Variants in BCAR1 observed in about 807,000 individuals in gnomAD.
BCAR1 encodes the protein BCAR1 scaffold protein, Cas family member.
BCAR1 carries 30 observed loss-of-function variants against 67.6 expected under a neutral mutation model. The ratio of observed to expected loss-of-function variants is 0.44; its 90% confidence interval spans 0.33 to 0.60. The LOEUF (loss-of-function observed/expected upper bound fraction) is 0.60. Among genes scored for constraint, BCAR1 ranks in the 20% least tolerant of loss-of-function variants. The probability of loss-of-function intolerance (pLI) is 0.02; values close to 1 mark genes in which losing one functional copy is unlikely to be tolerated. For missense variants in BCAR1, 1,313 were observed against 1,222.3 expected (o/e 1.07, Z -1.11); for synonymous variants, 626 against 556.7 (o/e 1.12, Z -1.75).
chr16:75,229,478 C>T lies in BCAR1; in HGVS notation c.*33G>A. On this transcript the variant is annotated 3_prime_UTR_variant, in exon 7 of 7. Transcript: ENST00000162330. The stretch of plus-strand genomic sequence containing the variant: ...AGCCAGGGAGCTGGGACCGCCGCAC[C>T]CCTCCCCTGCCTCCCTCCTGGGGTC... 1 of 1,498,076 alleles carries T rather than the reference C, an allele frequency of 6.7e-7. No homozygotes were observed. The highest frequency in any genetic ancestry group is 8.9e-7 in the Non-Finnish European group (1 of 1,123,234). The allele number at this position is 1,498,076 out of a possible 1,614,324, so 92.8% of individuals were successfully genotyped here.
intron 6 of BCAR1, 145 bp downstream of exon 6, chr16:75,233,701 A>G: frequency 1.4e-6 from 1 of 707,894 alleles, no homozygotes; most frequent in East Asian, 2.7e-5. Flanking sequence ...GTCAGGAGGC[A>G]GGGGGGTGGC....
rs764823956 is a variant in BCAR1 at position 75,237,219 on chromosome 16, C to T, written c.759G>A (p.Pro253=). 2.4e-5 allele frequency: 37 copies of T among 1,567,114 alleles called. No individual in the cohort carries two copies. Among genetic ancestry groups the T allele is most frequent in the African/African-American group, 5.5e-5 (4 of 73,284 alleles). The stretch of plus-strand genomic sequence containing the variant: ...ACTGGCTGGGAAGCAGCCCCCGAAC[C>T]GGGGGCACATCATAGATGTCCTGTG... ...PGPQDIYDVP[P]VRGLLPSQYG... is the part of the protein sequence containing the mutation. Residue 253 remains proline, a synonymous_variant, in exon 3 of 7, where the codon CCG becomes CCA. Transcript: ENST00000162330.
chr16:75,238,994 C>T (rs1188737118), intron 2 of BCAR1: 2 of 985,304 alleles, frequency 2.0e-6, no homozygotes, highest in Admixed American at 6.1e-5. Context: ...CCCAACCTCA[C>T]GCGGTGAGGC....
intron 1 of BCAR1, chr16:75,266,808 CA>C: frequency 1.4e-6 from 2 of 1,412,108 alleles, no homozygotes; most frequent in Admixed American, 2.3e-5. Context: ...GGGTCCAGAG[CA>C]CTGTCCCGGA....
intron 4 of BCAR1, 105 bp from the exon 5 acceptor site, chr16:75,236,091 GACAC>G (rs942973795): frequency 5.2e-5 from 73 of 1,403,746 alleles, no homozygotes; most frequent in Non-Finnish European, 5.5e-5. Flanking sequence ...CACACATACA[GACAC>G]ACACACAGAG....
intron 6 of BCAR1, among the ~76,000 whole-genome samples, chr16:75,232,217 G>T (rs1437743587): frequency 6.6e-6 from 1 of 151,776 alleles, no homozygotes; most frequent in Admixed American, 6.6e-5. Context: ...CTGGAGTGCA[G>T]TGGCGCAATC....
chr16:75,231,750 C>G (rs1429370002), intron 6 of BCAR1, among the ~76,000 whole-genome samples: 1 of 152,228 alleles, frequency 6.6e-6, no homozygotes, highest in Non-Finnish European at 1.5e-5. Context: ...TGTCCAACAG[C>G]AGGGGACTGG....
At chr16:75,249,691 G>A (rs1181247282) in intron 1 of BCAR1, 1 of 152,320 alleles carries the variant, frequency 6.6e-6, no homozygotes, top group Non-Finnish European at 1.5e-5. Flanking sequence ...GAGTTGTCCA[G>A]GCTCAGAAGA....
rs1274651132 is a variant in BCAR1, at chr16:75,233,941, G to A, written c.2011-6C>T. On this transcript the variant is annotated splice_region_variant and splice_polypyrimidine_tract_variant and intron_variant, in intron 5 of 6. Transcript: ENST00000162330. ...TTCTCAAACTCCTCCTTCCCCTGGA[G>A]GGCAGAGACAGGGGCTGCGCTGAGG... 2 of 1,600,330 alleles carry A rather than the reference G, an allele frequency of 1.2e-6. No homozygotes were observed. The highest frequency in any genetic ancestry group is 1.7e-6 in the Non-Finnish European group (2 of 1,173,044).
chr16:75,234,669 G>T (rs574935384), intron 5 of BCAR1, among the ~76,000 whole-genome samples: 1 of 152,194 alleles, frequency 6.6e-6, no homozygotes, highest in Non-Finnish European at 1.5e-5. Flanking sequence ...CAGAGTCACC[G>T]CTGCTGGTCA....
chr16:75,237,041 T>C (rs1465419479), intron 3 of BCAR1, 43 bp from the exon 4 acceptor site: 1 of 1,543,654 alleles, frequency 6.5e-7, no homozygotes, highest in Non-Finnish European at 8.8e-7. Flanking sequence ...CAGGGCCACT[T>C]GGGGGAATAG....
intron 6 of BCAR1, 119 bp downstream of exon 6, chr16:75,233,727 C>T: frequency 9.5e-7 from 1 of 1,051,226 alleles, no homozygotes; most frequent in South Asian, 1.6e-5. Flanking sequence ...GGGCCCAGCT[C>T]TGAGCACTGT....
At chr16:75,231,982 A>C (rs112951202) in intron 6 of BCAR1, among the ~76,000 whole-genome samples, 1 of 152,040 alleles carries the variant, frequency 6.6e-6, no homozygotes, top group African/African-American at 2.4e-5. Context: ...CCTGGGTTCA[A>C]GCGATTCTCC....
In BCAR1 at chr16:75,258,178, G is replaced by A. The variant is rs913531045; in HGVS notation, c.66+9737C>T. ...TCCCTTGGCCTACCCCATGTGCTAA[G>A]CCCATCCCGCAACCAAGCCCTCCCT... On this transcript the variant is annotated intron_variant, in intron 1 of 6. Coordinates refer to the BCAR1 transcript ENST00000393422. Among the ~76,000 whole-genome samples the A allele has an allele frequency of 2.0e-5, 3 of 152,170 alleles. No individual in the cohort carries two copies. The East Asian group carries it at 5.8e-4, about 29-fold the overall frequency.
At chr16:75,239,762 C>G (rs1300227176) in intron 2 of BCAR1, among the ~76,000 whole-genome samples, 1 of 152,184 alleles carries the variant, frequency 6.6e-6, no homozygotes, top group African/African-American at 2.4e-5. Context: ...GGGGCCACCA[C>G]CATAGCCCGC....
At chr16:75,233,764 G>C in intron 6 of BCAR1, 82 bp downstream of exon 6, 1 of 1,404,088 alleles carries the variant, frequency 7.1e-7, no homozygotes, top group Non-Finnish European at 9.7e-7. Context: ...CTGGGGACCC[G>C]GGGTCGGCCC....
chr16:75,234,051 GCACA>G lies in BCAR1; in HGVS notation c.2011-120_2011-117del, dbSNP rs781107097. 28 of 849,522 alleles carry G rather than the reference GCACA, an allele frequency of 3.3e-5. No individual in the cohort carries two copies. In the African/African-American group the frequency reaches 3.7e-4, roughly 11 times the overall value. 52.6% of individuals were successfully genotyped at this position (849,522 alleles called of 1,614,324 possible). On this transcript the variant is annotated intron_variant, in intron 5 of 6. Transcript: ENST00000162330. ...CCACCAGGTGGTGCTGCGTGTGCGC[GCACA>G]CACACGCACACGTGGACGCACACAC...
At chr16:75,240,925 C>T (rs1043462028) in intron 2 of BCAR1, among the ~76,000 whole-genome samples, 2 of 152,240 alleles carry the variant, frequency 1.3e-5, no homozygotes, top group African/African-American at 2.4e-5. Flanking sequence ...GCCTCGAGGC[C>T]GGGCTCTGTC....
intron 1 of BCAR1, chr16:75,243,427 G>A (rs750193055): frequency 2.0e-5 from 12 of 598,258 alleles, no homozygotes; most frequent in Non-Finnish European, 2.2e-5. Flanking sequence ...CACAAGGAGA[G>A]CGGCAGTAAT....
Sources: gnomAD v4.1 joint callset for allele counts (sites outside exome capture counted in the v4.1 genomes callset) on GRCh38, gnomAD v4.1.1 for gene constraint, MANE v1.5 for transcripts, NCBI Gene and HGNC (gene_info 2026-07-23, HGNC 2026-07-21) for gene names.